GPR137B: variants seen among roughly 807,000 people sequenced by gnomAD.
GPR137B encodes the protein G protein-coupled receptor 137B.
Under a neutral mutation model 42.5 loss-of-function variants are expected in GPR137B, and 42 were observed. The observed-to-expected ratio is 0.99, with a 90% confidence interval of 0.77 to 1.28. GPR137B has a LOEUF of 1.28. GPR137B is among the 50% of genes most tolerant of loss of function. GPR137B has a pLI of 0.00. For synonymous variants in GPR137B, 218 were observed against 209.7 expected, an observed-to-expected ratio of 1.04 and a Z score of -0.34; for missense variants, 487 against 493.9, an observed-to-expected ratio of 0.99 and a Z score of 0.13.
intron 1 of GPR137B, among the ~76,000 whole-genome samples, chr1:236,166,480 A>G (rs926397856): frequency 5.2e-5 from 7 of 135,274 alleles, no homozygotes; most frequent in Non-Finnish European, 9.0e-5. Context: ...TACATTATAT[A>G]TATTTATATA....
intron 3 of GPR137B, 31 bp downstream of exon 3, chr1:236,178,667 A>G: frequency 7.6e-7 from 1 of 1,315,960 alleles, no homozygotes. Flanking sequence ...GATCCCTCCC[A>G]TGAAACGTGT....
chr1:236,203,401 A>G (rs943062170), intron 5 of GPR137B, among the ~76,000 whole-genome samples: 1 of 152,166 alleles, frequency 6.6e-6, no homozygotes, highest in African/African-American at 2.4e-5. Flanking sequence ...CTATACCAGT[A>G]CCATGCTGTT....
Position 236,142,749 on chromosome 1 carries a change from C to T in GPR137B, c.127C>T (p.Leu43Phe). The change falls in exon 1 of 7, where the codon CTT becomes TTT. Residue 43 changes from leucine (L) to phenylalanine (F), a missense_variant. Leu to Phe is a conservative substitution (Grantham distance 22). Transcript: ENST00000366592. ...CCCGGCCGTGCCCCCCTACGTGAAG[C>T]TTGGCCTCACCGTCGTCTACACCGT... ...LTPAVPPYVK[L>F]GLTVVYTVFY... The T allele has an allele frequency of 6.2e-7, 1 of 1,610,476 alleles. No homozygotes were observed. Among genetic ancestry groups the T allele is most frequent in the African/African-American group, 1.3e-5 (1 of 74,310 alleles).
At chr1:236,144,128 G>A (rs1440874674) in intron 1 of GPR137B, among the ~76,000 whole-genome samples, 2 of 150,188 alleles carry the variant, frequency 1.3e-5, no homozygotes, top group Non-Finnish European at 3.0e-5. Flanking sequence ...TTTAAAAAAA[G>A]AAAGAGGCCG....
At chr1:236,205,689 C>T (rs1027990608) in intron 6 of GPR137B, among the ~76,000 whole-genome samples, 9 of 151,992 alleles carry the variant, frequency 5.9e-5, no homozygotes, top group African/African-American at 7.2e-5. Context: ...TACCGGTGTG[C>T]GCCACCGCAC....
intron 1 of GPR137B, among the ~76,000 whole-genome samples, chr1:236,153,137 A>G (rs1661918001): frequency 6.6e-6 from 1 of 152,186 alleles, no homozygotes; most frequent in South Asian, 2.1e-4. Flanking sequence ...AATTGACACA[A>G]TATGAAATTA....
intron 1 of GPR137B, among the ~76,000 whole-genome samples, chr1:236,143,277 C>T (rs966614919): frequency 6.6e-6 from 1 of 152,272 alleles, no homozygotes; most frequent in Non-Finnish European, 1.5e-5. Context: ...GAGGCCGCCG[C>T]TCACTCGCTG....
intron 1 of GPR137B, among the ~76,000 whole-genome samples, chr1:236,167,429 C>G (rs915431787): frequency 2.0e-5 from 3 of 152,120 alleles, no homozygotes; most frequent in Admixed American, 6.5e-5. Context: ...CAAATAGATC[C>G]CGCTTATATG....
intron 6 of GPR137B, 30 bp from the exon 7 acceptor site, chr1:236,208,020 A>G (rs1402477373): frequency 3.3e-6 from 5 of 1,528,954 alleles, no homozygotes; most frequent in Non-Finnish European, 4.5e-6. Context: ...ATAATGTTTC[A>G]AGTCACTGAA....
In GPR137B at chr1:236,178,420, C is replaced by T. The variant is rs775696505; in HGVS notation, c.471C>T (p.Pro157=). 3 of 1,610,764 alleles carry T rather than the reference C, an allele frequency of 1.9e-6. No homozygotes were observed. The highest frequency in any genetic ancestry group is 2.5e-6 in the Non-Finnish European group (3 of 1,177,636). Residue 157 remains proline (P), a synonymous_variant, in exon 3 of 7, where the codon CCC becomes CCT. Transcript: ENST00000366592. The part of the protein sequence containing the change: ...YSPELLKYRL[P]LYLASLFISL... ...TTGCTCTCATGCCTTCCAGGTTGCCCCTCTACCTGGCCTCCCTCTTCATCA... is the reference window on the plus strand; with the variant it reads ...TTGCTCTCATGCCTTCCAGGTTGCCTCTCTACCTGGCCTCCCTCTTCATCA...
chr1:236,196,443 AATTAAT>A (rs1482257472), intron 5 of GPR137B, among the ~76,000 whole-genome samples: 3 of 152,072 alleles, frequency 2.0e-5, no homozygotes, highest in African/African-American at 7.2e-5. Flanking sequence ...CGTGGCCAAG[AATTAAT>A]ATTATTTTTA....
intron 1 of GPR137B, among the ~76,000 whole-genome samples, chr1:236,148,750 G>A (rs969352840): frequency 1.3e-5 from 2 of 152,118 alleles, no homozygotes; most frequent in African/African-American, 4.8e-5. Flanking sequence ...GAGGGCCTGC[G>A]GCTCATGGTA....
chr1:236,153,524 G>A (rs1039568048), intron 1 of GPR137B, among the ~76,000 whole-genome samples: 4 of 152,088 alleles, frequency 2.6e-5, no homozygotes, highest in Admixed American at 1.3e-4. Context: ...CCATTCATCC[G>A]TTGATGGACA....
intron 4 of GPR137B, among the ~76,000 whole-genome samples, chr1:236,181,306 G>A (rs947397604): frequency 6.6e-6 from 1 of 151,776 alleles, no homozygotes; most frequent in African/African-American, 2.4e-5. Context: ...CAATGAGAAT[G>A]AACCACCATT....
chr1:236,187,808 T>C (rs1663077295), intron 5 of GPR137B, among the ~76,000 whole-genome samples: 1 of 152,206 alleles, frequency 6.6e-6, no homozygotes, highest in African/African-American at 2.4e-5. Context: ...GTCTCGGCTA[T>C]GTGGGCCCTT....
In GPR137B at chr1:236,205,267, T is replaced by C; in HGVS notation, c.1091+17T>C. 2 of 1,607,318 alleles carry C rather than the reference T, an allele frequency of 1.2e-6. No homozygotes were observed. The highest frequency in any genetic ancestry group is 1.7e-6 in the Non-Finnish European group (2 of 1,174,794). On this transcript the variant is annotated intron_variant, in intron 6 of 6. Transcript: ENST00000366592. ...TCAGGGAGGGTAAGACCCTACTTCA[T>C]GTTAGACAAGCCTCATCAGGAGGGA...
intron 5 of GPR137B, among the ~76,000 whole-genome samples, chr1:236,192,994 A>G (rs1663237417): frequency 6.6e-6 from 1 of 151,968 alleles, no homozygotes; most frequent in Non-Finnish European, 1.5e-5. Flanking sequence ...TCCTGGGTTC[A>G]AGCGATTCCC....
intron 5 of GPR137B, 101 bp from the exon 6 acceptor site, chr1:236,205,025 G>C: frequency 1.1e-6 from 1 of 938,494 alleles, no homozygotes; most frequent in East Asian, 2.4e-5. Flanking sequence ...ACATTCAAAT[G>C]AATAGAACAT....
chr1:236,170,651 C>T (rs1424802267), intron 2 of GPR137B, among the ~76,000 whole-genome samples: 3 of 152,092 alleles, frequency 2.0e-5, no homozygotes, highest in Admixed American at 6.5e-5. Context: ...AAAAATATTT[C>T]AGATTTCAGA....
Sources: allele counts gnomAD v4.1 joint callset (sites outside exome capture counted in the v4.1 genomes callset), GRCh38; gene constraint gnomAD v4.1.1; transcripts MANE v1.5; gene names NCBI Gene and HGNC (gene_info 2026-07-23, HGNC 2026-07-21).